Variants in PPM1L observed in about 807,000 individuals in gnomAD.
PPM1L encodes protein phosphatase 1L.
Under a neutral mutation model 31.4 loss-of-function variants are expected in PPM1L, and 13 were observed. The ratio of observed to expected loss-of-function variants is 0.41; its 90% confidence interval spans 0.27 to 0.66. The LOEUF is 0.66. Ranked by LOEUF, PPM1L falls within the 30% of genes least tolerant of loss-of-function variation. The pLI, the probability that PPM1L is intolerant of heterozygous loss-of-function variation, is 0.29. For synonymous variants in PPM1L, 184 were observed against 175.4 expected (o/e 1.05, Z -0.39); for missense variants, 326 against 453.7 (o/e 0.72, Z 2.56).
At chr3:160,973,679 C>A (rs1418385138) in intron 2 of PPM1L, among the ~76,000 whole-genome samples, 1 of 149,648 alleles carries the variant, frequency 6.7e-6, no homozygotes, top group Non-Finnish European at 1.5e-5. Context: ...CTGTTTAATG[C>A]CATTTTGCAA....
At chr3:161,001,927 G>A (rs113009404) in intron 2 of PPM1L, among the ~76,000 whole-genome samples, 8 of 151,912 alleles carry the variant, frequency 5.3e-5, no homozygotes, top group African/African-American at 1.5e-4. Flanking sequence ...ATGCTGGTGC[G>A]CTGCACCCAC....
rs1026452321 is a variant in PPM1L at position 160,859,879 on chromosome 3, A to G, written c.400-101857A>G. Among the ~76,000 whole-genome samples, 4 of 152,192 alleles carry G rather than the reference A, an allele frequency of 2.6e-5. No individual in the cohort carries two copies. In the South Asian group the frequency reaches 6.2e-4, roughly 24 times the overall value. ...GTGGTGATGTCAAATAAGAACTTGG[A>G]TGCGGAAGCCTCTGGTGAGTCCTGG... On this transcript the variant is annotated intron_variant, in intron 1 of 3. Coordinates refer to ENST00000498165, the MANE Select transcript of PPM1L (RefSeq NM_139245.4).
At chr3:160,842,393 G>A (rs1314290286) in intron 1 of PPM1L, 1 of 684,192 alleles carries the variant, frequency 1.5e-6, no homozygotes, top group Non-Finnish European at 2.7e-6. Context: ...ATTGGGAGGG[G>A]CTTTGAATGC....
intron 1 of PPM1L, among the ~76,000 whole-genome samples, chr3:160,823,466 G>A (rs150778962): frequency 6.6e-6 from 1 of 151,368 alleles, no homozygotes; most frequent in East Asian, 1.9e-4. Context: ...GCCCACTTTG[G>A]CCTCCCAAAG....
At chr3:160,900,152 G>C (rs1294421324) in intron 1 of PPM1L, among the ~76,000 whole-genome samples, 2 of 151,960 alleles carry the variant, frequency 1.3e-5, no homozygotes, top group Non-Finnish European at 2.9e-5. Flanking sequence ...TATTGTTAGA[G>C]CGAATTCAGT....
intron 1 of PPM1L, among the ~76,000 whole-genome samples, chr3:160,831,351 G>A (rs1287479316): frequency 6.6e-5 from 10 of 152,160 alleles, no homozygotes; most frequent in Non-Finnish European, 1.5e-5. Context: ...TGAGCTGATG[G>A]CAGTAGAGGC....
chr3:160,767,974 G>A (rs780159180), intron 1 of PPM1L, among the ~76,000 whole-genome samples: 13 of 152,172 alleles, frequency 8.5e-5, no homozygotes, highest in East Asian at 1.9e-4. Flanking sequence ...TAATGACACC[G>A]TCAGGATTTT....
chr3:160,970,787 A>ATTTTTTTTTTTTTTTTTTTTTTTTTTTT (rs71628437), intron 2 of PPM1L, among the ~76,000 whole-genome samples: 1 of 97,198 alleles, frequency 1.0e-5, no homozygotes, highest in African/African-American at 4.5e-5. Flanking sequence ...TTCAGTTATA[A>ATTTTTTTTTTTTTTTTTTTTTTTTTTTT]TTTTTTTTTT....
chr3:160,824,282 GACCAT>G (rs1713291894), intron 1 of PPM1L, among the ~76,000 whole-genome samples: 1 of 152,110 alleles, frequency 6.6e-6, no homozygotes, highest in Admixed American at 6.6e-5. Context: ...ACCGAAACCT[GACCAT>G]ATTGGCTCCC....
chr3:160,963,073 C>A (rs1437500484), intron 2 of PPM1L, among the ~76,000 whole-genome samples: 1 of 151,764 alleles, frequency 6.6e-6, no homozygotes, highest in Admixed American at 6.6e-5. Flanking sequence ...TCTCTTCTCT[C>A]ATCCTTAATG....
At chr3:161,038,228 C>T (rs1272007945) in intron 2 of PPM1L, among the ~76,000 whole-genome samples, 4 of 109,116 alleles carry the variant, frequency 3.7e-5, no homozygotes, top group East Asian at 3.1e-4. Flanking sequence ...AGCGAGACTC[C>T]GTCTCAAAAA....
intron 2 of PPM1L, among the ~76,000 whole-genome samples, chr3:160,993,458 G>A (rs114387277): frequency 2.5e-4 from 38 of 152,252 alleles, no homozygotes; most frequent in African/African-American, 8.9e-4. Flanking sequence ...AAGAGTGTCC[G>A]AACAGAAGTG....
At chr3:160,941,406 T>C (rs138753203) in intron 1 of PPM1L, among the ~76,000 whole-genome samples, 1 of 152,264 alleles carries the variant, frequency 6.6e-6, no homozygotes, top group East Asian at 1.9e-4. Context: ...AATCTCAACT[T>C]GAATTGTATC....
chr3:160,891,022 C>G (rs1260978302), intron 1 of PPM1L, among the ~76,000 whole-genome samples: 1 of 152,130 alleles, frequency 6.6e-6, no homozygotes, highest in Non-Finnish European at 1.5e-5. Flanking sequence ...CATAAATCCC[C>G]TAGAAGAAAA....
chr3:161,061,778 G>A (rs974764356), intron 2 of PPM1L, among the ~76,000 whole-genome samples: 2 of 152,128 alleles, frequency 1.3e-5, no homozygotes, highest in Non-Finnish European at 2.9e-5. Flanking sequence ...CCAATCACCA[G>A]CAGATCCCAA....
At position 160,970,321 on chromosome 3, in the gene PPM1L, G is replaced by C. The variant is rs189684911; in HGVS notation, c.574+8411G>C. 2.7e-3 allele frequency among the ~76,000 whole-genome samples: 411 copies of C among 152,292 alleles called. 1 individual carries two copies. Among genetic ancestry groups the C allele is most frequent in the African/African-American group, 9.4e-3 (390 of 41,560 alleles). Reference sequence around the variant, plus strand: ...TAGCCATGTATAATAACAGTAGGAAGAGGGGAGTAAAATGGGTACTCAAAA... The same window carrying C: ...TAGCCATGTATAATAACAGTAGGAACAGGGGAGTAAAATGGGTACTCAAAA... On this transcript the variant is annotated intron_variant, in intron 2 of 3. Coordinates refer to ENST00000498165, the MANE Select transcript of PPM1L (RefSeq NM_139245.4).
At chr3:160,923,444 T>G (rs997720677) in intron 1 of PPM1L, among the ~76,000 whole-genome samples, 1 of 152,216 alleles carries the variant, frequency 6.6e-6, no homozygotes, top group African/African-American at 2.4e-5. Context: ...GTTGTTCTAG[T>G]CCCTCAAGAT....
intron 2 of PPM1L, among the ~76,000 whole-genome samples, chr3:161,013,628 A>C (rs1717970707): frequency 6.6e-6 from 1 of 152,158 alleles, no homozygotes; most frequent in Non-Finnish European, 1.5e-5. Flanking sequence ...GTGGGGGGTT[A>C]AAGTCTCCCA....
chr3:160,970,023 TTTTA>T (rs1377364371), intron 2 of PPM1L, among the ~76,000 whole-genome samples: 1 of 152,240 alleles, frequency 6.6e-6, no homozygotes, highest in South Asian at 2.1e-4. Context: ...TTTATATCTT[TTTTA>T]TTTAACATTT....
Sources: gnomAD v4.1 joint callset for allele counts (sites outside exome capture counted in the v4.1 genomes callset) on GRCh38, gnomAD v4.1.1 for gene constraint, MANE v1.5 for transcripts, NCBI Gene and HGNC (gene_info 2026-07-23, HGNC 2026-07-21) for gene names.